BCL7C: variants seen among roughly 807,000 people sequenced by gnomAD.
BCL7C encodes B-cell CLL/lymphoma 7 protein family member C.
In BCL7C, 8 loss-of-function variants were observed where a neutral mutation model predicts 26.2. The ratio of observed to expected loss-of-function variants is 0.30; its 90% CI spans 0.18 to 0.55. BCL7C has a LOEUF of 0.55. BCL7C is among the 20% of genes least tolerant of loss of function. BCL7C has a pLI of 0.93. For missense variants in BCL7C, 262 were observed against 298.5 expected (o/e 0.88, Z 0.90); for synonymous variants, 90 against 116.5 (o/e 0.77, Z 1.47).
At chr16:30,849,760 CTTTT>C (rs57218612) in intron 5 of BCL7C, among the ~76,000 whole-genome samples, 6 of 141,534 alleles carry the variant, frequency 4.2e-5, no homozygotes, top group Non-Finnish European at 4.6e-5. Flanking sequence ...CTCCTTTTTT[CTTTT>C]TTTTTTTTTT....
chr16:30,891,745 A>G (rs894980160), intron 4 of BCL7C, among the ~76,000 whole-genome samples: 10 of 151,694 alleles, frequency 6.6e-5, no homozygotes, highest in Non-Finnish European at 2.9e-5. Context: ...CAGGAGGATC[A>G]TTTCAGGCCA....
chr16:30,868,725 T>C (rs952815392), intron 5 of BCL7C, among the ~76,000 whole-genome samples: 16 of 151,640 alleles, frequency 1.1e-4, no homozygotes, highest in Admixed American at 3.9e-4. Flanking sequence ...GTGGAGGTTG[T>C]GGTGAGCGGA....
downstream of BCL7C, among the ~76,000 whole-genome samples, chr16:30,884,035 G>A (rs1402890496): frequency 6.6e-6 from 1 of 151,072 alleles, no homozygotes; most frequent in Non-Finnish European, 1.5e-5. Flanking sequence ...TGAGGCAGGA[G>A]AATGGCGTGA....
At chr16:30,876,742 A>C (rs776563416) in intron 5 of BCL7C, among the ~76,000 whole-genome samples, 14 of 152,176 alleles carry the variant, frequency 9.2e-5, no homozygotes, top group Non-Finnish European at 1.8e-4. Flanking sequence ...TCACAGACAG[A>C]GGGAACGGGA....
chr16:30,891,234 G>A (rs909816162), intron 4 of BCL7C, among the ~76,000 whole-genome samples: 3 of 150,548 alleles, frequency 2.0e-5, no homozygotes, highest in East Asian at 2.0e-4. Context: ...AGGCCAAGGC[G>A]GGCAGATCAC....
intron 5 of BCL7C, among the ~76,000 whole-genome samples, chr16:30,865,211 C>T (rs1441580855): frequency 6.6e-6 from 1 of 151,510 alleles, no homozygotes. Context: ...GTAATACTCT[C>T]CCCACCCTTG....
chr16:30,835,142 C>T, exon 6 of BCL7C: 1 of 1,507,030 alleles, frequency 6.6e-7, no homozygotes. Context: ...ATTCTCACTC[C>T]CGAATCCTGT....
chr16:30,845,456 T>C (rs1005671280), intron 5 of BCL7C, among the ~76,000 whole-genome samples: 6 of 152,218 alleles, frequency 3.9e-5, no homozygotes, highest in African/African-American at 1.4e-4. Context: ...TTTCCAGCAA[T>C]GGGCTCCTGC....
At chr16:30,867,776 G>C (rs1469994366) in intron 5 of BCL7C, among the ~76,000 whole-genome samples, 2 of 152,048 alleles carry the variant, frequency 1.3e-5, no homozygotes, top group African/African-American at 2.4e-5. Context: ...CTGGGCAACA[G>C]AGCAAGACTC....
At chr16:30,878,751 A>G (rs1211324001) in intron 5 of BCL7C, among the ~76,000 whole-genome samples, 1 of 144,354 alleles carries the variant, frequency 6.9e-6, no homozygotes, top group Non-Finnish European at 1.5e-5. Flanking sequence ...GCTGAGGCAG[A>G]AGAATCACTT....
chr16:30,879,269 C>A (rs563031177), intron 5 of BCL7C, among the ~76,000 whole-genome samples: 14 of 152,198 alleles, frequency 9.2e-5, no homozygotes, highest in Non-Finnish European at 1.3e-4. Context: ...GAGACTGATG[C>A]CACAGACTTC....
In BCL7C at chr16:30,834,663, G is replaced by A; in HGVS notation, c.*285C>T. On this transcript the variant is annotated 3_prime_UTR_variant, in exon 6 of 6. Transcript: ENST00000380317. The surrounding 1 kb of genome is among the most constrained non-coding windows in gnomAD (Gnocchi z 4.3). ...CGCATGGGTGCGTGAGGAGGTGGGC[G>A]AGGCAGCCCAGTGCACCCCTCCCCT... The A allele has an allele frequency of 3.6e-6, 1 of 277,226 alleles. No homozygotes were observed. The highest frequency in any genetic ancestry group is 2.2e-5 in the African/African-American group (1 of 45,584). 17.2% of individuals were successfully genotyped at this position (277,226 alleles called of 1,614,324 possible).
At chr16:30,871,477 C>T (rs1408099961) in intron 5 of BCL7C, among the ~76,000 whole-genome samples, 2 of 152,066 alleles carry the variant, frequency 1.3e-5, no homozygotes, top group Non-Finnish European at 2.9e-5. Context: ...GAATATTCAC[C>T]TAGCTCAATG....
intron 5 of BCL7C, among the ~76,000 whole-genome samples, chr16:30,842,246 C>T (rs143553946): frequency 6.6e-6 from 1 of 152,232 alleles, no homozygotes; most frequent in East Asian, 1.9e-4. Flanking sequence ...ATTTACAAGA[C>T]AATGAGAGAG....
chr16:30,841,194 T>C (rs1233387040), intron 5 of BCL7C, among the ~76,000 whole-genome samples: 1 of 152,210 alleles, frequency 6.6e-6, no homozygotes, highest in Admixed American at 6.5e-5. Flanking sequence ...CATGCCTTAA[T>C]AGTCAGATAG....
At chr16:30,864,203 A>G (rs978602118) in intron 5 of BCL7C, among the ~76,000 whole-genome samples, 4 of 152,200 alleles carry the variant, frequency 2.6e-5, no homozygotes, top group Non-Finnish European at 5.9e-5. Flanking sequence ...TCCTAAATCA[A>G]TCTGGCCTGG....
intron 5 of BCL7C, among the ~76,000 whole-genome samples, 164 bp from the exon 6 acceptor site, chr16:30,888,154 A>G (rs949377587): frequency 4.0e-5 from 6 of 150,072 alleles, no homozygotes; most frequent in African/African-American, 1.5e-4. Context: ...CAAAAACAAC[A>G]ACGACAGTGA....
rs1359072912 is a variant in BCL7C, at chr16:30,892,876, G to A, written c.244C>T (p.Arg82Ter). ...AGCAGGATGAGAGGGCCACCCCCTC[G>A]GGGACTGGCGCCCCTGCCCCGACGT... is the stretch of plus-strand genomic sequence containing the variant. ...RERRGRGASP[R>*]GGGPLILLDL... Residue 82 changes from arginine to a stop codon, truncating the protein, a stop_gained, in exon 3 of 6, where the codon CGA becomes TGA. Coordinates refer to ENST00000215115, the MANE Select transcript of BCL7C (RefSeq NM_004765.4). LOFTEE classifies it high-confidence loss of function. 3.7e-6 allele frequency: 6 copies of A among 1,612,712 alleles called. No homozygotes were observed. Among genetic ancestry groups the A allele is most frequent in the Middle Eastern group, 1.6e-4 (1 of 6,084 alleles).
At chr16:30,885,684 A>G (rs1366619863), downstream of BCL7C, among the ~76,000 whole-genome samples, 2 of 151,994 alleles carry the variant, frequency 1.3e-5, no homozygotes, top group Non-Finnish European at 2.9e-5. Context: ...GATTATAGGC[A>G]TGAGCCACTG....
Sources: allele counts gnomAD v4.1 joint callset (sites outside exome capture counted in the v4.1 genomes callset), GRCh38; gene constraint gnomAD v4.1.1; non-coding constraint Gnocchi (gnomAD v3.1); transcripts MANE v1.5; gene names NCBI Gene and HGNC (gene_info 2026-07-23, HGNC 2026-07-21).